Variants in DACH1 observed in about 807,000 individuals in gnomAD.
DACH1 encodes dachshund homolog 1.
Under a neutral mutation model 54.2 loss-of-function variants are expected in DACH1, and 12 were observed. The ratio of observed to expected loss-of-function variants is 0.22; its 90% confidence interval spans 0.14 to 0.36. The LOEUF is 0.36. DACH1 is among the 10% of genes least tolerant of loss of function. The pLI is 1.00. For missense variants in DACH1, 805 were observed against 929.8 expected, an observed-to-expected ratio of 0.87 and a Z score of 1.75; for synonymous variants, 386 against 366.2, an observed-to-expected ratio of 1.05 and a Z score of -0.62.
At chr13:71,783,964 T>TAAAAAAAAAA (rs35579396) in intron 1 of DACH1, among the ~76,000 whole-genome samples, 3 of 116,194 alleles carry the variant, frequency 2.6e-5, no homozygotes, top group Non-Finnish European at 3.6e-5. Context: ...CTCCAAGGTT[T>TAAAAAAAAAA]AAAAAAAAAA....
At chr13:71,840,195 A>G (rs568043182) in intron 1 of DACH1, among the ~76,000 whole-genome samples, 356 of 152,084 alleles carry the variant, frequency 2.3e-3, no homozygotes, top group African/African-American at 8.1e-3. Context: ...TGATCTGTCC[A>G]CCTCAGCCTC....
chr13:71,495,984 G>A (rs1879372750), intron 6 of DACH1, among the ~76,000 whole-genome samples: 1 of 152,008 alleles, frequency 6.6e-6, no homozygotes, highest in Admixed American at 6.6e-5. Flanking sequence ...TGAAATCCCA[G>A]CACTTTGGGA....
At chr13:71,585,860 G>A (rs1408076734) in intron 3 of DACH1, among the ~76,000 whole-genome samples, 3 of 152,004 alleles carry the variant, frequency 2.0e-5, no homozygotes, top group African/African-American at 7.2e-5. Context: ...ACCAGGGCAG[G>A]ATTCCTGAAT....
chr13:71,593,989 C>T (rs1433389148), intron 3 of DACH1, among the ~76,000 whole-genome samples: 1 of 151,070 alleles, frequency 6.6e-6, no homozygotes, highest in Non-Finnish European at 1.5e-5. Context: ...CAATTAAAAA[C>T]CTATATTGAC....
chr13:71,495,671 G>T (rs1428161857), intron 6 of DACH1, among the ~76,000 whole-genome samples: 2 of 152,180 alleles, frequency 1.3e-5, no homozygotes, highest in Admixed American at 1.3e-4. Context: ...AGATATTGAT[G>T]AGGGTGTAAA....
chr13:71,491,092 T>C (rs118179888), intron 6 of DACH1, among the ~76,000 whole-genome samples: 1,922 of 152,300 alleles, frequency 0.013, 21 homozygotes, highest in Non-Finnish European at 0.02. Flanking sequence ...CTTCAGTGCA[T>C]TTATGCTTGA....
At chr13:71,631,847 C>T (rs1214344160) in intron 2 of DACH1, among the ~76,000 whole-genome samples, 1 of 152,070 alleles carries the variant, frequency 6.6e-6, no homozygotes, top group Admixed American at 6.6e-5. Flanking sequence ...GCCTATAATC[C>T]CAGCACTTTG....
intron 1 of DACH1, among the ~76,000 whole-genome samples, chr13:71,703,436 G>T (rs1882261874): frequency 6.6e-6 from 1 of 152,192 alleles, no homozygotes; most frequent in Non-Finnish European, 1.5e-5. Context: ...GACCATAGCA[G>T]AGCTCAGCAG....
At chr13:71,776,673 T>C (rs1484144218) in intron 1 of DACH1, among the ~76,000 whole-genome samples, 1 of 152,132 alleles carries the variant, frequency 6.6e-6, no homozygotes, top group African/African-American at 2.4e-5. Flanking sequence ...CAGCTGCTTT[T>C]TCACTTTTTG....
intron 6 of DACH1, among the ~76,000 whole-genome samples, chr13:71,492,760 T>A (rs1354788113): frequency 2.0e-5 from 3 of 151,734 alleles, no homozygotes; most frequent in Non-Finnish European, 2.9e-5. Flanking sequence ...TGTGTGTGTG[T>A]GAGTGTATGT....
chr13:71,462,601 TTA>T lies in DACH1; in HGVS notation c.2083+12538_2083+12539del, dbSNP rs1166360389. Reference sequence around the variant, plus strand: ...AAACACAATTTCAACTACTATTACATTAAATTTGTGCATAATTGTAAAAATAG... The same window carrying T: ...AAACACAATTTCAACTACTATTACATAATTTGTGCATAATTGTAAAAATAG... On this transcript the variant is annotated intron_variant, in intron 10 of 10. Coordinates refer to ENST00000613252, the MANE Select transcript of DACH1 (RefSeq NM_080759.6). Among the ~76,000 whole-genome samples the T allele has an allele frequency of 2.0e-5, 3 of 152,064 alleles. No homozygotes were observed. In the East Asian group the frequency reaches 5.8e-4, roughly 29 times the overall value.
At chr13:71,648,803 A>C (rs920768459) in intron 2 of DACH1, among the ~76,000 whole-genome samples, 1 of 152,312 alleles carries the variant, frequency 6.6e-6, no homozygotes, top group African/African-American at 2.4e-5. Context: ...GAGGTGTTCA[A>C]TGATGACAGT....
At chr13:71,840,515 C>A (rs1872767496) in intron 1 of DACH1, among the ~76,000 whole-genome samples, 1 of 152,146 alleles carries the variant, frequency 6.6e-6, no homozygotes, top group African/African-American at 2.4e-5. Flanking sequence ...ATATCCTAAT[C>A]TCCAGCCAGG....
chr13:71,503,920 A>G (rs894864144), intron 6 of DACH1, among the ~76,000 whole-genome samples: 7 of 152,306 alleles, frequency 4.6e-5, no homozygotes, highest in African/African-American at 1.7e-4. Context: ...TTTAGGATTT[A>G]GGGAAATATA....
intron 1 of DACH1, among the ~76,000 whole-genome samples, chr13:71,714,858 G>T (rs1389747751): frequency 6.6e-6 from 1 of 151,950 alleles, no homozygotes; most frequent in African/African-American, 2.4e-5. Flanking sequence ...AATAAAATAG[G>T]CAGAGAAAGT....
chr13:71,477,804 T>C (rs1472684160), intron 8 of DACH1, among the ~76,000 whole-genome samples: 1 of 152,202 alleles, frequency 6.6e-6, no homozygotes, highest in African/African-American at 2.4e-5. Flanking sequence ...CGTCATGTTC[T>C]CTCTCTTCAG....
At chr13:71,612,092 G>A (rs1875375053) in intron 3 of DACH1, among the ~76,000 whole-genome samples, 1 of 152,076 alleles carries the variant, frequency 6.6e-6, no homozygotes, top group Non-Finnish European at 1.5e-5. Flanking sequence ...GTAAGAACAT[G>A]GAAAGTGATA....
chr13:71,648,395 A>G (rs1227586431), intron 2 of DACH1, among the ~76,000 whole-genome samples: 1 of 152,106 alleles, frequency 6.6e-6, no homozygotes, highest in Non-Finnish European at 1.5e-5. Context: ...AGCTCAAGAG[A>G]GGCGACGAGA....
chr13:71,775,127 CTTTTTT>C (rs767902341), intron 1 of DACH1, among the ~76,000 whole-genome samples: 107 of 54,016 alleles, frequency 2.0e-3, no homozygotes, highest in African/African-American at 7.6e-3. Flanking sequence ...TCAACACAAG[CTTTTTT>C]TTTTTTTTTT....
Sources: allele counts gnomAD v4.1 joint callset (sites outside exome capture counted in the v4.1 genomes callset), GRCh38; gene constraint gnomAD v4.1.1; transcripts MANE v1.5; gene names NCBI Gene and HGNC (gene_info 2026-07-23, HGNC 2026-07-21).